Variants in GREB1L observed in about 807,000 individuals in gnomAD.
GREB1L encodes GREB1-like protein.
In GREB1L, 17 loss-of-function variants were observed where a neutral mutation model predicts 200.8. The observed-to-expected ratio is 0.08, with a 90% CI of 0.06 to 0.13. The LOEUF is 0.13. GREB1L is among the 10% of genes least tolerant of loss of function. GREB1L has a pLI of 1.00. For missense variants in GREB1L, 1,657 were observed against 2,367.7 expected, an observed-to-expected ratio of 0.70 and a Z score of 6.23; for synonymous variants, 789 against 893.0, an observed-to-expected ratio of 0.88 and a Z score of 2.08.
chr18:21,271,734 A>G (rs2038083126), intron 1 of GREB1L, among the ~76,000 whole-genome samples: 1 of 152,054 alleles, frequency 6.6e-6, no homozygotes, highest in African/African-American at 2.4e-5. Flanking sequence ...GTTTAAGTTA[A>G]GTAGAGGGGA....
intron 25 of GREB1L, 115 bp from the exon 26 acceptor site, chr18:21,508,003 C>A: frequency 1.0e-6 from 1 of 974,314 alleles, no homozygotes; most frequent in Non-Finnish European, 1.5e-6. Context: ...GCTCTGGTGG[C>A]ACTTACCAGT....
At chr18:21,496,118 C>T (rs545546602) in intron 20 of GREB1L, among the ~76,000 whole-genome samples, 1 of 152,240 alleles carries the variant, frequency 6.6e-6, no homozygotes, top group South Asian at 2.1e-4. Flanking sequence ...ACTCCATAGA[C>T]TGGAGGGCAA....
At chr18:21,426,987 A>AC (rs1491462751) in intron 7 of GREB1L, among the ~76,000 whole-genome samples, 5 of 94,856 alleles carry the variant, frequency 5.3e-5, no homozygotes, top group Non-Finnish European at 8.4e-5. Context: ...AAAAAAAAAA[A>AC]CAAAAAAAAA....
At chr18:21,275,495 A>C (rs536781177) in intron 1 of GREB1L, among the ~76,000 whole-genome samples, 2 of 151,926 alleles carry the variant, frequency 1.3e-5, no homozygotes, top group African/African-American at 2.4e-5. Context: ...CTCTACTAAA[A>C]ATGCAAAATT....
At chr18:21,293,996 G>A (rs1376917619) in intron 1 of GREB1L, among the ~76,000 whole-genome samples, 1 of 152,024 alleles carries the variant, frequency 6.6e-6, no homozygotes, top group African/African-American at 2.4e-5. Flanking sequence ...TGGCTAGGCT[G>A]GTCTTGAACT....
intron 2 of GREB1L, among the ~76,000 whole-genome samples, chr18:21,382,939 C>T (rs2040382999): frequency 6.6e-6 from 1 of 152,120 alleles, no homozygotes; most frequent in African/African-American, 2.4e-5. Flanking sequence ...AAAGAAATAA[C>T]AGTGTTTTTC....
intron 19 of GREB1L, among the ~76,000 whole-genome samples, chr18:21,491,484 C>T (rs1568054654): frequency 2.0e-5 from 3 of 152,002 alleles, no homozygotes; most frequent in South Asian, 4.2e-4. Flanking sequence ...CTGAGGCAGA[C>T]AGATCAGGAG....
At chr18:21,251,921 GGAGGCAGAGT>G (rs1016235868) in intron 1 of GREB1L, among the ~76,000 whole-genome samples, 1 of 148,832 alleles carries the variant, frequency 6.7e-6, no homozygotes, top group Non-Finnish European at 1.5e-5. Flanking sequence ...CTCTAGCCTG[GGAGGCAGAGT>G]GAGACTCCAT....
In GREB1L at chr18:21,485,697, C is replaced by G. The variant is rs1186575474; in HGVS notation, c.2634C>G (p.Ser878Arg). 3.2e-6 allele frequency: 5 copies of G among 1,551,442 alleles called. No individual in the cohort carries two copies. The highest frequency in any genetic ancestry group is 3.5e-6 in the Non-Finnish European group (4 of 1,146,794). ...AGTCTCTGCAGTGGGGGATCACGAGCCCACTTCTGAGATGTGACGAGACTT... is the reference window on the plus strand; with the variant it reads ...AGTCTCTGCAGTGGGGGATCACGAGGCCACTTCTGAGATGTGACGAGACTT... ...YSKSLQWGITSPLLRCDETFE... is the reference protein window; with the variant it reads ...YSKSLQWGITRPLLRCDETFE... The change falls in exon 18 of 33, where the codon AGC (serine) becomes AGG (arginine). Residue 878 changes from serine (S) to arginine (R), a missense_variant. By Grantham distance (110) the Ser-to-Arg change is moderately radical (BLOSUM62 -1). Transcript: ENST00000424526.
intron 1 of GREB1L, among the ~76,000 whole-genome samples, chr18:21,315,149 G>A (rs2038848087): frequency 6.6e-6 from 1 of 152,050 alleles, no homozygotes; most frequent in African/African-American, 2.4e-5. Flanking sequence ...GAGTGTAGTG[G>A]CATGGTTATG....
At chr18:21,392,112 C>G (rs1319873864) in intron 4 of GREB1L, among the ~76,000 whole-genome samples, 2 of 152,204 alleles carry the variant, frequency 1.3e-5, no homozygotes, top group Non-Finnish European at 2.9e-5. Flanking sequence ...ACCTGGCCTA[C>G]TTAGATCAGT....
At chr18:21,283,980 G>A (rs2038313331) in intron 1 of GREB1L, among the ~76,000 whole-genome samples, 1 of 152,098 alleles carries the variant, frequency 6.6e-6, no homozygotes, top group Admixed American at 6.5e-5. Context: ...AACTTTTAAA[G>A]CCAGCTTCCT....
At chr18:21,387,388 A>T (rs1368391465) in intron 4 of GREB1L, 7 of 152,218 alleles carry the variant, frequency 4.6e-5, no homozygotes, top group African/African-American at 1.2e-4. Context: ...ATTCCTTTTT[A>T]AAAAAATTAA....
Position 21,439,614 on chromosome 18 carries a change from C to A in GREB1L, c.926C>A (p.Pro309His). Residue 309 changes from proline (P) to histidine (H), a missense_variant, in exon 8 of 33, where the codon CCT (proline) becomes CAT (histidine). Physicochemically the swap from Pro to His is moderately conservative, Grantham distance 77 (BLOSUM62 -2). Coordinates refer to ENST00000424526, the MANE Select transcript of GREB1L (RefSeq NM_001142966.3). ...HTGNYSLSPR[P>H]SYASGDQATM... ...GGGAATTACTCTTTGTCACCACGAC[C>A]TAGCTATGCATCAGGAGATCAAGGT... The A allele has an allele frequency of 6.5e-7, 1 of 1,550,100 alleles. No individual in the cohort carries two copies. The highest frequency in any genetic ancestry group is 8.7e-7 in the Non-Finnish European group (1 of 1,145,098).
intron 1 of GREB1L, among the ~76,000 whole-genome samples, chr18:21,279,319 GTTA>G (rs1001370085): frequency 6.6e-6 from 1 of 151,908 alleles, no homozygotes; most frequent in South Asian, 2.1e-4. Context: ...TTACTGAATA[GTTA>G]TTATTATAAT....
chr18:21,317,240 A>T (rs1163864387), intron 1 of GREB1L, among the ~76,000 whole-genome samples: 1 of 151,874 alleles, frequency 6.6e-6, no homozygotes, highest in Non-Finnish European at 1.5e-5. Context: ...CAATCAATTC[A>T]ATCAAAAGAT....
intron 7 of GREB1L, among the ~76,000 whole-genome samples, chr18:21,438,975 A>AAAAAAAAAG (rs1426583915): frequency 6.9e-6 from 1 of 144,974 alleles, no homozygotes; most frequent in Non-Finnish European, 1.5e-5. Flanking sequence ...AAAAAAAAAA[A>AAAAAAAAAG]AAAAGAAAAG....
chr18:21,459,019 G>A (rs979189315), intron 15 of GREB1L, among the ~76,000 whole-genome samples: 3 of 151,968 alleles, frequency 2.0e-5, no homozygotes, highest in Admixed American at 2.0e-4. Flanking sequence ...AAATGGTGTT[G>A]GTGGGAGCCC....
intron 1 of GREB1L, among the ~76,000 whole-genome samples, chr18:21,309,064 A>G (rs1428312432): frequency 3.3e-5 from 5 of 152,236 alleles, no homozygotes; most frequent in Non-Finnish European, 7.3e-5. Flanking sequence ...GTTAAGCACA[A>G]GTCTTTTCTT....
Sources: allele counts gnomAD v4.1 joint callset (sites outside exome capture counted in the v4.1 genomes callset), GRCh38; gene constraint gnomAD v4.1.1; transcripts MANE v1.5; gene names NCBI Gene and HGNC (gene_info 2026-07-23, HGNC 2026-07-21).